PON2: variants seen among roughly 807,000 people sequenced by gnomAD.
PON2 encodes the protein paraoxonase 2, also known as serum paraoxonase/arylesterase 2.
In PON2, 27 loss-of-function variants were observed where a neutral mutation model predicts 36.6. The observed-to-expected ratio is 0.74, with a 90% confidence interval of 0.54 to 1.02. The LOEUF is 1.02. Among genes scored for constraint, PON2 ranks in the 50% least tolerant of loss-of-function variants. The pLI is 0.00. For missense variants in PON2, 363 were observed against 421.1 expected (o/e 0.86, Z 1.21); for synonymous variants, 149 against 156.3 (o/e 0.95, Z 0.35).
At chr7:95,406,758 G>A (rs542489379) in intron 7 of PON2, among the ~76,000 whole-genome samples, 3 of 152,114 alleles carry the variant, frequency 2.0e-5, no homozygotes, top group Admixed American at 6.6e-5. Flanking sequence ...TCATGGAATG[G>A]GCCCTAAATC....
intron 1 of PON2, among the ~76,000 whole-genome samples, chr7:95,428,837 T>C (rs1477329386): frequency 1.3e-5 from 2 of 152,214 alleles, no homozygotes; most frequent in African/African-American, 4.8e-5. Flanking sequence ...TTTCATTGTC[T>C]ACATAGATGA....
chr7:95,412,287 A>G (rs774310009), intron 4 of PON2, 25 bp downstream of exon 4: 1 of 1,612,992 alleles, frequency 6.2e-7, no homozygotes, highest in Non-Finnish European at 8.5e-7. Flanking sequence ...ACGTTACTAA[A>G]TGTTGGTAGC....
At chr7:95,411,921 C>T in intron 4 of PON2, 142 bp from the exon 5 acceptor site, 4 of 889,034 alleles carry the variant, frequency 4.5e-6, no homozygotes, top group Middle Eastern at 3.4e-4. Flanking sequence ...CTCTGTCTTT[C>T]CTATTGCTGT....
rs563202929 is a variant in PON2 at position 95,407,602 on chromosome 7, T to G, written c.696-534A>C. On this transcript the variant is annotated intron_variant, in intron 6 of 8. Coordinates refer to ENST00000222572, the MANE Select transcript of PON2 (RefSeq NM_000305.3). The stretch of plus-strand genomic sequence containing the variant: ...GAATTAACAGACTATTTTGAGGTAA[T>G]TTTACTCATTGAATTGACTTTCCAT... Among the ~76,000 whole-genome samples the G allele has an allele frequency of 1.6e-4, 24 of 152,290 alleles. No homozygotes were observed. The East Asian group carries it at 3.7e-3, about 23-fold the overall frequency.
chr7:95,424,456 G>T, intron 2 of PON2, 59 bp downstream of exon 2: 2 of 1,356,766 alleles, frequency 1.5e-6, no homozygotes, highest in Non-Finnish European at 2.1e-6. Flanking sequence ...ATTAATGAGT[G>T]TTTTAATGTT....
rs749278789 is a variant in PON2, at chr7:95,407,064, T to C, written c.700A>G (p.Ile234Val). 3 of 1,588,992 alleles carry C rather than the reference T, an allele frequency of 1.9e-6. No homozygotes were observed. Among genetic ancestry groups the C allele is most frequent in the Non-Finnish European group, 2.6e-6 (3 of 1,157,662 alleles). Residue 234 changes from isoleucine (I) to valine (V), a missense_variant, in exon 7 of 9, where the codon ATC (isoleucine) becomes GTC (valine). By Grantham distance (29) the Ile-to-Val change is conservative (BLOSUM62 3). Transcript: ENST00000222572. ...GINISPDDKY[I>V]YVADILAHEI... ...TGAGCCAATATGTCAGCAACATAGATATACCTTTGCAGAAAGGACACAGTG... is the reference window on the plus strand; with the variant it reads ...TGAGCCAATATGTCAGCAACATAGACATACCTTTGCAGAAAGGACACAGTG...
In PON2 at chr7:95,412,485, A is replaced by G. The variant is rs776067068; in HGVS notation, c.202-8T>C. 1.9e-6 allele frequency: 3 copies of G among 1,613,300 alleles called. No homozygotes were observed. The highest frequency in any genetic ancestry group is 2.5e-6 in the Non-Finnish European group (3 of 1,179,284). On this transcript the variant is annotated splice_region_variant and splice_polypyrimidine_tract_variant and intron_variant, in intron 3 of 8. Coordinates refer to ENST00000222572, the MANE Select transcript of PON2 (RefSeq NM_000305.3). The stretch of plus-strand genomic sequence containing the variant: ...TCCTGGGAATTTTAGACCCTTTCCA[A>G]AACGGTGAAAAATGTTAAATACAAA...
chr7:95,421,883 T>G (rs1789202036), intron 2 of PON2, among the ~76,000 whole-genome samples: 1 of 152,150 alleles, frequency 6.6e-6, no homozygotes, highest in Non-Finnish European at 1.5e-5. Context: ...CAACTGATGG[T>G]TTATTTTTAC....
intron 1 of PON2, among the ~76,000 whole-genome samples, chr7:95,431,430 T>C (rs1407877007): frequency 1.4e-5 from 2 of 145,136 alleles, no homozygotes; most frequent in Non-Finnish European, 3.1e-5. Context: ...GCTTTTTTTC[T>C]TTTTTTTTTG....
Position 95,409,905 on chromosome 7 carries a change from C to T in PON2, c.691G>A (p.Asp231Asn), listed in dbSNP as rs1788879447. ...ATATTCTATAAGGGGCCATACTTAT[C>T]ATCAGGTGAAATATTGATCCCATTT... ...SANGINISPD[D>N]KYIYVADILA... is the part of the protein sequence containing the mutation. Residue 231 changes from aspartate to asparagine, a missense_variant, in exon 6 of 9, where the codon GAT (aspartate) becomes AAT (asparagine). Transcript: ENST00000222572. 6.2e-7 allele frequency: 1 copy of T among 1,612,592 alleles called. No homozygotes were observed. Among genetic ancestry groups the T allele is most frequent in the African/African-American group, 1.3e-5 (1 of 74,970 alleles).
chr7:95,413,393 T>G (rs959178742), intron 3 of PON2, among the ~76,000 whole-genome samples: 1 of 152,218 alleles, frequency 6.6e-6, no homozygotes, highest in Non-Finnish European at 1.5e-5. Context: ...TACTGATGGT[T>G]GTGGTGTTGG....
chr7:95,421,813 A>T (rs774989889), intron 2 of PON2, among the ~76,000 whole-genome samples: 7 of 152,210 alleles, frequency 4.6e-5, no homozygotes, highest in Non-Finnish European at 7.3e-5. Context: ...ATTTAAAAGA[A>T]GAAAAAAAGA....
intron 1 of PON2, among the ~76,000 whole-genome samples, chr7:95,429,858 G>T (rs981443553): frequency 3.3e-5 from 5 of 152,114 alleles, no homozygotes; most frequent in Admixed American, 2.6e-4. Flanking sequence ...AAGTAACTAA[G>T]AATCTGTGCT....
At chr7:95,424,297 G>T (rs1436169494) in intron 2 of PON2, 8 of 570,716 alleles carry the variant, frequency 1.4e-5, no homozygotes, top group Non-Finnish European at 1.9e-5. Context: ...GCTAAACATA[G>T]AATTACACAC....
intron 1 of PON2, among the ~76,000 whole-genome samples, chr7:95,427,592 T>C (rs1789345122): frequency 1.3e-5 from 2 of 152,160 alleles, no homozygotes; most frequent in African/African-American, 4.8e-5. Flanking sequence ...GATACAGCTA[T>C]AAAGTCAATA....
At chr7:95,414,645 CAAAT>C (rs931738725) in intron 3 of PON2, among the ~76,000 whole-genome samples, 1 of 152,032 alleles carries the variant, frequency 6.6e-6, no homozygotes, top group African/African-American at 2.4e-5. Flanking sequence ...CACAAATAAA[CAAAT>C]AAAAAAATCA....
At chr7:95,419,518 G>A (rs1789145224) in intron 2 of PON2, among the ~76,000 whole-genome samples, 2 of 152,140 alleles carry the variant, frequency 1.3e-5, no homozygotes, top group Non-Finnish European at 2.9e-5. Context: ...CTGTGTCAGA[G>A]GTGGCCAAGT....
At chr7:95,406,964 A>T (rs1373953503) in intron 7 of PON2, 23 bp downstream of exon 7, 1 of 1,336,826 alleles carries the variant, frequency 7.5e-7, no homozygotes, top group Non-Finnish European at 1.1e-6. Context: ...ATTACTGTCT[A>T]TATGTAAAAA....
chr7:95,420,699 G>C (rs572901875), intron 2 of PON2, among the ~76,000 whole-genome samples: 4 of 152,144 alleles, frequency 2.6e-5, no homozygotes. Context: ...AAGGGCAAGG[G>C]GGAAGGAAGG....
Sources: allele counts gnomAD v4.1 joint callset (sites outside exome capture counted in the v4.1 genomes callset), GRCh38; gene constraint gnomAD v4.1.1; transcripts MANE v1.5; gene names NCBI Gene and HGNC (gene_info 2026-07-23, HGNC 2026-07-21).